The following PLCZ1 variants were observed in gnomAD, a reference collection of about 807,000 sequenced individuals.
PLCZ1 encodes the protein phospholipase C zeta 1.
A neutral mutation model predicts 76.8 loss-of-function variants in PLCZ1; 64 were observed. That is an observed-to-expected ratio of 0.83 (90% CI 0.68 to 1.03). PLCZ1 has a LOEUF of 1.03. Among genes scored for constraint, PLCZ1 ranks in the 50% least tolerant of loss-of-function variants. PLCZ1 has a pLI of 0.00. For synonymous variants in PLCZ1, 248 were observed against 230.8 expected, an observed-to-expected ratio of 1.07 and a Z score of -0.68; for missense variants, 751 against 713.7, an observed-to-expected ratio of 1.05 and a Z score of -0.60.
At chr12:18,733,474 T>C (rs1012921032) in intron 3 of PLCZ1, among the ~76,000 whole-genome samples, 3 of 152,222 alleles carry the variant, frequency 2.0e-5, no homozygotes, top group Non-Finnish European at 4.4e-5. Context: ...CTTTTCTATT[T>C]TTAGACAAGT....
chr12:18,685,853 CACACACACACACACACAT>C (rs1264244552), intron 13 of PLCZ1, among the ~76,000 whole-genome samples: 1 of 145,058 alleles, frequency 6.9e-6, no homozygotes, highest in Non-Finnish European at 1.5e-5. Flanking sequence ...CGCGCACACA[CACACACACACACACACAT>C]ACAATAATAT....
intron 5 of PLCZ1, among the ~76,000 whole-genome samples, chr12:18,716,323 T>C (rs899393637): frequency 2.0e-5 from 3 of 152,164 alleles, no homozygotes; most frequent in African/African-American, 4.8e-5. Flanking sequence ...GCTACTTCTC[T>C]AGATAGTTTT....
chr12:18,707,507 T>G (rs965416827), intron 6 of PLCZ1, among the ~76,000 whole-genome samples: 2 of 152,132 alleles, frequency 1.3e-5, no homozygotes, highest in Non-Finnish European at 2.9e-5. Context: ...AGGAGTTTGC[T>G]CTCTTGAAAG....
In PLCZ1 at chr12:18,692,623, C is replaced by T. The variant is rs1284203612; in HGVS notation, c.1461+2287G>A. On this transcript the variant is annotated intron_variant, in intron 12 of 14. Transcript: ENST00000266505. The stretch of plus-strand genomic sequence containing the variant: ...AAAAAGGAAGCAATATGAGGTCAAC[C>T]GCAATGGGGCAGGAGGACTAATTAT... The T allele has an allele frequency of 3.5e-5, 20 of 576,524 alleles. 1 individual carries two copies. Among genetic ancestry groups the T allele is most frequent in the South Asian group, 2.1e-4 (10 of 47,782 alleles). The allele number at this position is 576,524 out of a possible 1,614,324, so 35.7% of individuals were successfully genotyped here. A position where few individuals can be genotyped will look rare whatever the true frequency, so the allele number is the denominator to read the frequency against.
intron 14 of PLCZ1, chr12:18,683,777 A>G (rs1952684112): frequency 7.4e-6 from 4 of 539,872 alleles, no homozygotes; most frequent in African/African-American, 1.9e-5. Flanking sequence ...TCTTCTCCTC[A>G]GGCAGGAAGA....
At chr12:18,731,164 A>C (rs907441855) in intron 3 of PLCZ1, 2 of 152,010 alleles carry the variant, frequency 1.3e-5, no homozygotes, top group African/African-American at 2.4e-5. Flanking sequence ...AATTCTCCAT[A>C]GGTCTCTCGT....
At chr12:18,713,107 C>T (rs1957535399) in intron 5 of PLCZ1, 121 bp from the exon 6 acceptor site, 1 of 1,336,228 alleles carries the variant, frequency 7.5e-7, no homozygotes, top group Admixed American at 2.1e-5. Flanking sequence ...GTCCATAAAA[C>T]TCTATAAAAA....
chr12:18,658,521 T>G, the PLCZ1 span, among the ~76,000 whole-genome samples: 2,070 of 152,166 alleles, frequency 0.014, 62 homozygotes, highest in African/African-American at 0.048. Flanking sequence ...GCCAGACATA[T>G]GAAATATTCA....
Position 18,701,606 on chromosome 12 carries a change from A to ATCCTCCTCC in PLCZ1, c.950-47_950-39dup, listed in dbSNP as rs11279217. ...CCAATACTTCTGATTCTTTGAATTT[A>ATCCTCCTCC]TCCTCCTCCTCCTCCTCCTCCTCCT... On this transcript the variant is annotated intron_variant, in intron 8 of 14. Transcript: ENST00000266505. The ATCCTCCTCC allele has an allele frequency of 3.4e-3, 5,248 of 1,521,608 alleles. 3 individuals are homozygous for ATCCTCCTCC. The highest frequency in any genetic ancestry group is 3.6e-3 in the Non-Finnish European group (4,028 of 1,123,860). 94.3% of individuals were successfully genotyped at this position (1,521,608 alleles called of 1,614,324 possible).
intron 5 of PLCZ1, among the ~76,000 whole-genome samples, chr12:18,716,069 A>G (rs1957952149): frequency 6.6e-6 from 1 of 152,160 alleles, no homozygotes. Context: ...ATGTATTTAG[A>G]TTTTAAGTTG....
chr12:18,708,730 T>TA (rs1565703887), intron 6 of PLCZ1, among the ~76,000 whole-genome samples: 1 of 152,184 alleles, frequency 6.6e-6, no homozygotes, highest in African/African-American at 2.4e-5. Flanking sequence ...TGGTATCTCA[T>TA]AGTGGTTTTG....
In PLCZ1 at chr12:18,736,344, T is replaced by G. The variant is rs747562068; in HGVS notation, c.12A>C (p.Arg4Ser). 6.2e-7 allele frequency: 1 copy of G among 1,611,100 alleles called. No individual in the cohort carries two copies. Among genetic ancestry groups the G allele is most frequent in the South Asian group, 1.1e-5 (1 of 90,846 alleles). ...CATCCTGAATCTTTGACAAAAACCA[T>G]GTAGAAGCACAAAAAAGTTAAGGAA... MEM[R>S]WFLSKIQDDF... is the part of the protein sequence containing the mutation. Residue 4 changes from arginine to serine, a missense_variant and splice_region_variant, in exon 3 of 15, where the codon AGA becomes AGC. Transcript: ENST00000266505.
At chr12:18,725,832 A>G (rs1427673377) in intron 3 of PLCZ1, among the ~76,000 whole-genome samples, 1 of 151,980 alleles carries the variant, frequency 6.6e-6, no homozygotes, top group Non-Finnish European at 1.5e-5. Flanking sequence ...TTAAATTACC[A>G]ATTTCTACTA....
chr12:18,699,336 C>T (rs975878382), intron 10 of PLCZ1, among the ~76,000 whole-genome samples: 1 of 152,164 alleles, frequency 6.6e-6, no homozygotes, highest in Non-Finnish European at 1.5e-5. Context: ...ATCTTTATTA[C>T]CGCCTTCCTG....
chr12:18,662,455 A>G, the PLCZ1 span, among the ~76,000 whole-genome samples: 1 of 152,108 alleles, frequency 6.6e-6, no homozygotes, highest in East Asian at 1.9e-4. Context: ...TGCAGGGAAT[A>G]CTAAAGGTGG....
the PLCZ1 span, among the ~76,000 whole-genome samples, chr12:18,655,703 A>T: frequency 6.6e-6 from 1 of 151,340 alleles, no homozygotes; most frequent in African/African-American, 2.4e-5. Context: ...GTGGCACTTT[A>T]CCTCTGAGGT....
chr12:18,703,220 C>T (rs1043048105), intron 7 of PLCZ1, among the ~76,000 whole-genome samples: 1 of 152,102 alleles, frequency 6.6e-6, no homozygotes, highest in Non-Finnish European at 1.5e-5. Flanking sequence ...AGTCTGTGGG[C>T]ATTCTTATGC....
chr12:18,686,539 G>A (rs1953180950), intron 13 of PLCZ1, among the ~76,000 whole-genome samples: 2 of 151,680 alleles, frequency 1.3e-5, no homozygotes, highest in South Asian at 4.1e-4. Context: ...TGTTTAAATT[G>A]TATTTTCTTC....
chr12:18,680,078 T>C (rs1211335711), downstream of PLCZ1, among the ~76,000 whole-genome samples: 2 of 147,208 alleles, frequency 1.4e-5, no homozygotes, highest in African/African-American at 4.9e-5. Context: ...TCCAGTGTGT[T>C]ATTACTTGGA....
Sources: gnomAD v4.1 joint callset for allele counts (sites outside exome capture counted in the v4.1 genomes callset) on GRCh38, gnomAD v4.1.1 for gene constraint, MANE v1.5 for transcripts, NCBI Gene and HGNC (gene_info 2026-07-23, HGNC 2026-07-21) for gene names.